Variants in HECTD2 observed in about 807,000 individuals in gnomAD.
The protein encoded by HECTD2 is HECT domain E3 ubiquitin protein ligase 2, also known as probable E3 ubiquitin-protein ligase HECTD2.
Under a neutral mutation model 103.2 loss-of-function variants are expected in HECTD2, and 35 were observed. The observed-to-expected ratio is 0.34, with a 90% CI of 0.26 to 0.45. The LOEUF (loss-of-function observed/expected upper bound fraction) is 0.45. HECTD2 is among the 20% of genes least tolerant of loss of function. HECTD2 has a pLI of 1.00. For synonymous variants in HECTD2, 281 were observed against 329.9 expected (o/e 0.85, Z 1.61); for missense variants, 596 against 937.4 (o/e 0.64, Z 4.76).
intron 2 of HECTD2, among the ~76,000 whole-genome samples, chr10:91,437,501 T>C (rs1468271134): frequency 9.9e-5 from 15 of 152,040 alleles, no homozygotes; most frequent in Admixed American, 9.8e-4. Context: ...TCATTAAGCC[T>C]GGCTTATATT....
chr10:91,417,246 G>A (rs554565634), intron 1 of HECTD2, among the ~76,000 whole-genome samples: 1 of 152,148 alleles, frequency 6.6e-6, no homozygotes, highest in South Asian at 2.1e-4. Context: ...CTCTTAAGTT[G>A]ATATTTGTAA....
At chr10:91,443,541 G>GT (rs1844455801) in intron 2 of HECTD2, among the ~76,000 whole-genome samples, 1 of 152,128 alleles carries the variant, frequency 6.6e-6, no homozygotes. Context: ...GTATCTCCCA[G>GT]TCAGGACACA....
At chr10:91,489,381 C>A (rs1846383422) in intron 11 of HECTD2, 1 of 152,122 alleles carries the variant, frequency 6.6e-6, no homozygotes, top group South Asian at 2.1e-4. Flanking sequence ...TACAAATAGT[C>A]AGTGTAAGCA....
chr10:91,460,789 G>T (rs924956259), intron 3 of HECTD2, among the ~76,000 whole-genome samples: 1 of 152,014 alleles, frequency 6.6e-6, no homozygotes, highest in Non-Finnish European at 1.5e-5. Flanking sequence ...CACTAAGTAA[G>T]AGTCTGTGAG....
chr10:91,427,362 A>AT (rs1354330650), intron 2 of HECTD2, among the ~76,000 whole-genome samples: 27 of 151,990 alleles, frequency 1.8e-4, no homozygotes, highest in Admixed American at 1.7e-3. Context: ...TTGGGTATAT[A>AT]CCCAGTAATG....
intron 5 of HECTD2, among the ~76,000 whole-genome samples, chr10:91,465,711 C>T (rs1452650678): frequency 6.6e-6 from 1 of 151,908 alleles, no homozygotes; most frequent in Non-Finnish European, 1.5e-5. Context: ...TCTTTTTTAG[C>T]TTGTCGATGT....
At chr10:91,501,549 T>G (rs1258754624) in intron 20 of HECTD2, among the ~76,000 whole-genome samples, 1 of 152,106 alleles carries the variant, frequency 6.6e-6, no homozygotes, top group East Asian at 1.9e-4. Context: ...TTCTAACAAC[T>G]TTTTACTTTG....
At chr10:91,510,981 T>C (rs1847399787) in intron 20 of HECTD2, among the ~76,000 whole-genome samples, 1 of 152,228 alleles carries the variant, frequency 6.6e-6, no homozygotes, top group African/African-American at 2.4e-5. Context: ...TTTAAGTTGC[T>C]TTGAGGCTGA....
chr10:91,493,571 G>T (rs942721693), intron 14 of HECTD2, 63 bp downstream of exon 14: 1 of 865,976 alleles, frequency 1.2e-6, no homozygotes, highest in Non-Finnish European at 1.8e-6. Flanking sequence ...GATTTTATCT[G>T]TATTTTAGAA....
intron 14 of HECTD2, among the ~76,000 whole-genome samples, chr10:91,495,230 G>C (rs140859695): frequency 6.6e-6 from 1 of 151,910 alleles, no homozygotes; most frequent in Non-Finnish European, 1.5e-5. Flanking sequence ...ATTTGAGAAA[G>C]AACAGGTATG....
intron 15 of HECTD2, among the ~76,000 whole-genome samples, chr10:91,497,547 G>A (rs1039145683): frequency 1.4e-5 from 2 of 140,614 alleles, no homozygotes; most frequent in Non-Finnish European, 3.0e-5. Flanking sequence ...CTGACCTTGT[G>A]ATCTGCCCAC....
chr10:91,493,399 A>G (rs755070377), intron 13 of HECTD2, 21 bp from the exon 14 acceptor site: 8 of 1,373,238 alleles, frequency 5.8e-6, no homozygotes, highest in Non-Finnish European at 7.9e-6. Context: ...TAATAATAAC[A>G]TTATTCGTGT....
intron 5 of HECTD2, chr10:91,463,039 A>G (rs1845409073): frequency 6.6e-6 from 1 of 151,962 alleles, no homozygotes; most frequent in Non-Finnish European, 1.5e-5. Flanking sequence ...ATTTATCTTT[A>G]TCTAAATACA....
At chr10:91,504,405 G>C (rs1015097710) in intron 20 of HECTD2, among the ~76,000 whole-genome samples, 18 of 151,028 alleles carry the variant, frequency 1.2e-4, no homozygotes, top group East Asian at 2.0e-4. Context: ...TGTATAACTA[G>C]AATAACCAAT....
At chr10:91,480,569 G>C (rs1846056217) in intron 6 of HECTD2, among the ~76,000 whole-genome samples, 1 of 151,892 alleles carries the variant, frequency 6.6e-6, no homozygotes. Context: ...AAAGCTCTTG[G>C]CCAAATCTCA....
intron 2 of HECTD2, among the ~76,000 whole-genome samples, chr10:91,431,924 G>A (rs1294168600): frequency 6.6e-6 from 1 of 151,988 alleles, no homozygotes; most frequent in African/African-American, 2.4e-5. Context: ...TACTGGTGAG[G>A]AACTGCGAAG....
At chr10:91,510,498 T>C (rs377042111) in intron 20 of HECTD2, among the ~76,000 whole-genome samples, 28 of 152,222 alleles carry the variant, frequency 1.8e-4, no homozygotes, top group African/African-American at 6.5e-4. Flanking sequence ...TGGTAGAATA[T>C]TGATATTGTT....
At chr10:91,495,011 A>T (rs1564734166) in intron 14 of HECTD2, among the ~76,000 whole-genome samples, 2 of 152,044 alleles carry the variant, frequency 1.3e-5, no homozygotes. Flanking sequence ...CCAAAAGAGC[A>T]TATTAAGCAT....
chr10:91,463,747 A>G (rs1455556696), intron 5 of HECTD2: 5 of 152,242 alleles, frequency 3.3e-5, no homozygotes, highest in East Asian at 3.8e-4. Flanking sequence ...AAATAACATT[A>G]CACATCCATC....
Sources: gnomAD v4.1 joint callset for allele counts (sites outside exome capture counted in the v4.1 genomes callset) on GRCh38, gnomAD v4.1.1 for gene constraint, MANE v1.5 for transcripts, NCBI Gene and HGNC (gene_info 2026-07-23, HGNC 2026-07-21) for gene names.